MCM6: variants seen among roughly 807,000 people sequenced by gnomAD.
The protein encoded by MCM6 is minichromosome maintenance complex component 6.
Under a neutral mutation model 94.3 loss-of-function variants are expected in MCM6, and 46 were observed. That is an observed-to-expected ratio of 0.49 (90% CI 0.39 to 0.62). MCM6 has a LOEUF of 0.62. MCM6 is among the 20% of genes least tolerant of loss of function. The pLI is 0.00. For missense variants in MCM6, 865 were observed against 1,017.9 expected (o/e 0.85, Z 2.04); for synonymous variants, 335 against 351.9 (o/e 0.95, Z 0.54).
At chr2:135,866,507 T>A in intron 5 of MCM6, 56 bp downstream of exon 5, 2 of 1,544,156 alleles carry the variant, frequency 1.3e-6, no homozygotes, top group Non-Finnish European at 1.8e-6. Context: ...GGAAGCTAGA[T>A]ACTGTGCAGT....
chr2:135,862,882 A>G (rs1680023825), intron 7 of MCM6, 134 bp from the exon 8 acceptor site: 2 of 822,000 alleles, frequency 2.4e-6, no homozygotes, highest in Admixed American at 2.7e-5. Flanking sequence ...AACTGGAGTA[A>G]TAACACCTGG....
At chr2:135,862,376 T>C (rs1009468668) in intron 8 of MCM6, among the ~76,000 whole-genome samples, 2 of 151,042 alleles carry the variant, frequency 1.3e-5, no homozygotes, top group African/African-American at 4.9e-5. Context: ...TTTACAAAGA[T>C]ATTATACAAA....
intron 7 of MCM6, among the ~76,000 whole-genome samples, chr2:135,863,948 TAAA>T (rs1382712629): frequency 6.6e-6 from 1 of 151,918 alleles, no homozygotes; most frequent in Non-Finnish European, 1.5e-5. Flanking sequence ...CCATCTCTAC[TAAA>T]AATACAAAAA....
At chr2:135,875,201 A>G (rs1680273036) in intron 1 of MCM6, among the ~76,000 whole-genome samples, 1 of 152,172 alleles carries the variant, frequency 6.6e-6, no homozygotes, top group Admixed American at 6.5e-5. Flanking sequence ...CCCCATCTCT[A>G]CTAAAATACC....
intron 3 of MCM6, among the ~76,000 whole-genome samples, chr2:135,869,594 A>G (rs1192872181): frequency 6.6e-6 from 1 of 152,130 alleles, no homozygotes; most frequent in African/African-American, 2.4e-5. Flanking sequence ...TGGTAATTTT[A>G]TAATTTCAGT....
Position 135,865,031 on chromosome 2 carries a change from G to A in MCM6, c.1060C>T (p.Leu354=), listed in dbSNP as rs748915091. 1.3e-6 allele frequency: 2 copies of A among 1,505,324 alleles called. No individual in the cohort carries two copies. The highest frequency in any genetic ancestry group is 4.8e-5 in the East Asian group (2 of 41,964). 93.2% of individuals were successfully genotyped at this position (1,505,324 alleles called of 1,614,324 possible). ...TTCTTACCATGTATAGTAGGGAACA[G>A]GCTGGTACAAAGATTGTGGTATAGA... ...KNLYHNLCTS[L]FPTIHGNDEV... The change falls in exon 7 of 17, where the codon CTG becomes TTG. Residue 354 remains leucine, a synonymous_variant. Coordinates refer to ENST00000264156, the MANE Select transcript of MCM6 (RefSeq NM_005915.6).
At chr2:135,854,568 A>G (rs920652722) in intron 11 of MCM6, among the ~76,000 whole-genome samples, 3 of 150,250 alleles carry the variant, frequency 2.0e-5, no homozygotes, top group African/African-American at 7.4e-5. Flanking sequence ...AAGAAAAAGA[A>G]AAAGAAAAAG....
rs200993395 is a variant in MCM6, at chr2:135,846,251, C to T, written c.2195G>A (p.Arg732Lys). The T allele has an allele frequency of 1.2e-6, 2 of 1,614,044 alleles. No homozygotes were observed. Among genetic ancestry groups the T allele is most frequent in the South Asian group, 1.1e-5 (1 of 91,074 alleles). Residue 732 changes from arginine (R) to lysine (K), a missense_variant, in exon 15 of 17, where the codon AGA becomes AAA. Around this residue, in one of 3 missense-constraint regions of MCM6, gnomAD observed 308 missense variants for 324.5 expected, o/e 0.95. Coordinates refer to ENST00000264156, the MANE Select transcript of MCM6 (RefSeq NM_005915.6). The stretch of plus-strand genomic sequence containing the variant: ...GTAAGCCTCACCTTCTTCCACCTTT[C>T]TGAGGTGAAGCACAATAAGGTTAGA... Reference protein sequence around the residue: ...RISNLIVLHLRKVEEEEDESA... With the variant: ...RISNLIVLHLKKVEEEEDESA...
At chr2:135,865,554 G>A (rs1420434767) in intron 6 of MCM6, among the ~76,000 whole-genome samples, 1 of 152,106 alleles carries the variant, frequency 6.6e-6, no homozygotes, top group Admixed American at 6.5e-5. Flanking sequence ...ACTGCCAGGG[G>A]TTCATCATTC....
chr2:135,851,280 G>T, intron 13 of MCM6, 122 bp downstream of exon 13: 1 of 721,284 alleles, frequency 1.4e-6, no homozygotes, highest in Non-Finnish European at 2.2e-6. Context: ...GGTCGTATGA[G>T]CATTCAACAG....
chr2:135,875,686 G>C (rs968161091), intron 1 of MCM6, among the ~76,000 whole-genome samples: 4 of 152,184 alleles, frequency 2.6e-5, no homozygotes, highest in Non-Finnish European at 4.4e-5. Flanking sequence ...AGGGGAGCAA[G>C]GGACCCAGAA....
At chr2:135,851,840 G>T in intron 12 of MCM6, 1 of 237,768 alleles carries the variant, frequency 4.2e-6, no homozygotes. Context: ...ACAAGCTGAA[G>T]CAATGGAACA....
At position 135,852,865 on chromosome 2, in the gene MCM6, A is replaced by T. The variant is rs1679802563; in HGVS notation, c.1677T>A (p.Ile559=). 1 of 1,610,944 alleles carries T rather than the reference A, an allele frequency of 6.2e-7. No homozygotes were observed. The highest frequency in any genetic ancestry group is 1.3e-5 in the African/African-American group (1 of 74,746). ...AATAGACACGATCAATTGATTCCTC[A>T]ATTCTTGAATGCAAATCTACTATGC... is the stretch of plus-strand genomic sequence containing the variant. ...ARRIVDLHSR[I]EESIDRVYSL... Residue 559 remains isoleucine (I), a synonymous_variant, in exon 12 of 17, where the codon ATT becomes ATA. Coordinates refer to ENST00000264156, the MANE Select transcript of MCM6 (RefSeq NM_005915.6).
At chr2:135,871,989 A>G (rs1397255238) in intron 2 of MCM6, among the ~76,000 whole-genome samples, 1 of 152,238 alleles carries the variant, frequency 6.6e-6, no homozygotes, top group Non-Finnish European at 1.5e-5. Flanking sequence ...AACAACGTCA[A>G]TGCTGTAAAG....
chr2:135,847,234 C>T (rs889590403), intron 14 of MCM6, among the ~76,000 whole-genome samples: 3 of 151,956 alleles, frequency 2.0e-5, no homozygotes, highest in African/African-American at 4.8e-5. Context: ...GGCAATATGG[C>T]GAGATCCTGT....
In MCM6 at chr2:135,852,853, A is replaced by G; in HGVS notation, c.1689T>C (p.Ile563=). ...VDLHSRIEES[I]DRVYSLDDIR... is the part of the protein sequence containing the mutation. ...TATCATCGAGGGAATAGACACGATCAATTGATTCCTCAATTCTTGAATGCA... is the reference window on the plus strand; with the variant it reads ...TATCATCGAGGGAATAGACACGATCGATTGATTCCTCAATTCTTGAATGCA... The change falls in exon 12 of 17, where the codon ATT becomes ATC. Residue 563 remains isoleucine (I), a synonymous_variant. Coordinates refer to ENST00000264156, the MANE Select transcript of MCM6 (RefSeq NM_005915.6). 1 of 1,611,428 alleles carries G rather than the reference A, an allele frequency of 6.2e-7. No homozygotes were observed. The highest frequency in any genetic ancestry group is 1.3e-5 in the African/African-American group (1 of 74,892).
intron 1 of MCM6, among the ~76,000 whole-genome samples, chr2:135,875,475 T>A (rs535738882): frequency 1.3e-5 from 2 of 152,150 alleles, no homozygotes; most frequent in Non-Finnish European, 2.9e-5. Flanking sequence ...GTCAACTTTG[T>A]TATGTATATT....
In MCM6 at chr2:135,866,684, G is replaced by T; in HGVS notation, c.660C>A (p.Ile220=). ...TTAAAATTACTTCTAAACTGCGGGG[G>T]ATACTCCCTCGAGGAAGCTCAGCTT... The part of the protein sequence containing the change: ...ETQAELPRGS[I]PRSLEVILRA... The change falls in exon 5 of 17, where the codon ATC becomes ATA. Residue 220 remains isoleucine (I), a synonymous_variant. Transcript: ENST00000264156. 1 of 1,613,698 alleles carries T rather than the reference G, an allele frequency of 6.2e-7. No homozygotes were observed. The highest frequency in any genetic ancestry group is 8.5e-7 in the Non-Finnish European group (1 of 1,179,908).
intron 3 of MCM6, among the ~76,000 whole-genome samples, chr2:135,869,265 G>A (rs1174134601): frequency 6.6e-6 from 1 of 152,074 alleles, no homozygotes; most frequent in Admixed American, 6.5e-5. Context: ...GCCAGTCGTG[G>A]TGGCGGGCGC....
Sources: allele counts gnomAD v4.1 joint callset (sites outside exome capture counted in the v4.1 genomes callset), GRCh38; gene constraint gnomAD v4.1.1; regional missense constraint gnomAD v4.1.1; transcripts MANE v1.5; gene names NCBI Gene and HGNC (gene_info 2026-07-23, HGNC 2026-07-21).